Variants in PDE4B observed in about 807,000 individuals in gnomAD.
PDE4B encodes the protein phosphodiesterase 4B, also known as 3',5'-cyclic-AMP phosphodiesterase 4B.
Under a neutral mutation model 82.2 loss-of-function variants are expected in PDE4B, and 20 were observed. The observed-to-expected ratio is 0.24, with a 90% CI of 0.17 to 0.35. The LOEUF is 0.35. PDE4B is among the 10% of genes least tolerant of loss of function. PDE4B has a pLI of 1.00. For synonymous variants in PDE4B, 320 were observed against 318.9 expected (o/e 1.00, Z -0.04); for missense variants, 655 against 907.2 (o/e 0.72, Z 3.57).
At chr1:66,029,426 G>T (rs2100792713) in intron 3 of PDE4B, among the ~76,000 whole-genome samples, 1 of 152,130 alleles carries the variant, frequency 6.6e-6, no homozygotes, top group Non-Finnish European at 1.5e-5. Context: ...GCTCTAAGTT[G>T]GTAGAATGTA....
At chr1:65,929,053 G>C (rs1363645033) in intron 3 of PDE4B, among the ~76,000 whole-genome samples, 1 of 152,088 alleles carries the variant, frequency 6.6e-6, no homozygotes, top group Non-Finnish European at 1.5e-5. Context: ...TTCTTTTCCA[G>C]TGTAGCGCAC....
intron 1 of PDE4B, among the ~76,000 whole-genome samples, chr1:65,805,349 G>GTGAA (rs1645743362): frequency 6.6e-6 from 1 of 152,130 alleles, no homozygotes; most frequent in Non-Finnish European, 1.5e-5. Flanking sequence ...GAAAGAGTGG[G>GTGAA]TGAATATTAT....
chr1:65,933,134 A>T (rs2100523284), intron 3 of PDE4B, among the ~76,000 whole-genome samples: 1 of 152,204 alleles, frequency 6.6e-6, no homozygotes, highest in South Asian at 2.1e-4. Context: ...AACGGAAAGA[A>T]ACCTACACTG....
At chr1:65,859,426 C>T (rs550865977) in intron 1 of PDE4B, among the ~76,000 whole-genome samples, 2 of 152,040 alleles carry the variant, frequency 1.3e-5, no homozygotes, top group South Asian at 4.2e-4. Flanking sequence ...GCCACATTTA[C>T]CTTTTAGGTG....
At position 66,013,678 on chromosome 1, in the gene PDE4B, T is replaced by A. The variant is rs186770630; in HGVS notation, c.281+94843T>A. ...TAAGCTCTCAGAAACCACCACTTTT[T>A]AAAAAAAAAATAACTCATCCACCTA... is the stretch of plus-strand genomic sequence containing the variant. On this transcript the variant is annotated intron_variant, in intron 3 of 16. Transcript: ENST00000341517. Among the ~76,000 whole-genome samples the A allele has an allele frequency of 3.4e-3, 516 of 150,190 alleles. 4 individuals are homozygous for A. Among genetic ancestry groups the A allele is most frequent in the African/African-American group, 0.011 (438 of 41,034 alleles).
At chr1:66,213,499 C>G (rs1235746458) in intron 3 of PDE4B, among the ~76,000 whole-genome samples, 4 of 152,146 alleles carry the variant, frequency 2.6e-5, no homozygotes, top group Non-Finnish European at 4.4e-5. Context: ...AAACTAAGCA[C>G]TATAATCACT....
chr1:65,828,514 G>A (rs935586271), intron 1 of PDE4B, among the ~76,000 whole-genome samples: 1 of 152,120 alleles, frequency 6.6e-6, no homozygotes. Context: ...TGAAAGTGCT[G>A]GGATTACAGG....
At chr1:66,114,891 C>T (rs776946684) in intron 3 of PDE4B, among the ~76,000 whole-genome samples, 15 of 152,256 alleles carry the variant, frequency 9.9e-5, no homozygotes, top group Non-Finnish European at 1.6e-4. Flanking sequence ...CTGCCTCAGC[C>T]TCCTAAAGTA....
intron 1 of PDE4B, among the ~76,000 whole-genome samples, chr1:65,861,032 G>T (rs901011793): frequency 6.6e-6 from 1 of 152,132 alleles, no homozygotes; most frequent in African/African-American, 2.4e-5. Flanking sequence ...CTTTTGCTGT[G>T]CAGAAGTGTT....
intron 3 of PDE4B, among the ~76,000 whole-genome samples, chr1:66,160,521 C>A (rs182455893): frequency 8.5e-5 from 13 of 152,318 alleles, no homozygotes; most frequent in Admixed American, 5.2e-4. Flanking sequence ...GTTCTAATAA[C>A]CTTCTGCTCT....
At chr1:66,371,105 T>TACACAC (rs2050755036) in intron 16 of PDE4B, among the ~76,000 whole-genome samples, 1 of 78,754 alleles carries the variant, frequency 1.3e-5, no homozygotes, top group African/African-American at 8.3e-5. Flanking sequence ...TATATATATA[T>TACACAC]ATATATATAT....
chr1:66,037,490 T>C (rs953922600), intron 3 of PDE4B, among the ~76,000 whole-genome samples: 4 of 152,200 alleles, frequency 2.6e-5, no homozygotes, highest in African/African-American at 9.6e-5. Context: ...ACTGAATTTG[T>C]TTTTCAGTTC....
At chr1:65,984,690 G>A (rs558421279) in intron 3 of PDE4B, among the ~76,000 whole-genome samples, 3 of 152,118 alleles carry the variant, frequency 2.0e-5, no homozygotes, top group East Asian at 1.9e-4. Flanking sequence ...GAGAGGTGGA[G>A]GTTGCAGTGA....
intron 3 of PDE4B, among the ~76,000 whole-genome samples, chr1:65,969,953 A>G (rs889381534): frequency 6.6e-6 from 1 of 152,018 alleles, no homozygotes; most frequent in Non-Finnish European, 1.5e-5. Flanking sequence ...ATTATGGTCC[A>G]CTCTCAACTA....
chr1:65,960,548 T>C (rs974227074), intron 3 of PDE4B, among the ~76,000 whole-genome samples: 6 of 152,134 alleles, frequency 3.9e-5, no homozygotes, highest in African/African-American at 1.4e-4. Context: ...GTCATGACTT[T>C]AGGCAGATTC....
chr1:65,963,320 C>T (rs972233156), intron 3 of PDE4B, among the ~76,000 whole-genome samples: 4 of 152,206 alleles, frequency 2.6e-5, no homozygotes, highest in African/African-American at 9.7e-5. Flanking sequence ...TGCCCTCCAG[C>T]TCCTTGAAGA....
At chr1:66,249,833 C>G (rs544358158) in intron 4 of PDE4B, among the ~76,000 whole-genome samples, 11 of 152,044 alleles carry the variant, frequency 7.2e-5, no homozygotes, top group African/African-American at 4.8e-5. Flanking sequence ...TAAAAAGCAG[C>G]CTTTCCCAAG....
intron 3 of PDE4B, among the ~76,000 whole-genome samples, chr1:66,172,601 T>C (rs929356456): frequency 6.6e-6 from 1 of 152,246 alleles, no homozygotes; most frequent in Non-Finnish European, 1.5e-5. Flanking sequence ...CTCTGCAGCC[T>C]CATCAGAAGT....
At chr1:66,255,383 C>T (rs1654134556) in intron 4 of PDE4B, among the ~76,000 whole-genome samples, 2 of 152,200 alleles carry the variant, frequency 1.3e-5, no homozygotes, top group Admixed American at 6.5e-5. Context: ...CCACCACGCC[C>T]AGCCTGGGTG....
Sources: allele counts gnomAD v4.1 joint callset (sites outside exome capture counted in the v4.1 genomes callset), GRCh38; gene constraint gnomAD v4.1.1; transcripts MANE v1.5; gene names NCBI Gene and HGNC (gene_info 2026-07-23, HGNC 2026-07-21).